Variants in ARFGAP3 observed in about 807,000 individuals in gnomAD.
The protein encoded by ARFGAP3 is ARF GTPase activating protein 3.
In ARFGAP3, 72 loss-of-function variants were observed where a neutral mutation model predicts 75.0. That is an observed-to-expected ratio of 0.96 (90% CI 0.79 to 1.17). ARFGAP3 has a LOEUF of 1.17. Ranked by LOEUF, ARFGAP3 falls within the 50% of genes most tolerant of loss-of-function variation. The probability of loss-of-function intolerance (pLI) is 0.00; values close to 1 mark genes in which losing one functional copy is unlikely to be tolerated. For synonymous variants in ARFGAP3, 221 were observed against 217.9 expected (o/e 1.01, Z -0.13); for missense variants, 620 against 626.6 (o/e 0.99, Z 0.11).
At chr22:42,855,845 C>A (rs9611939) in intron 1 of ARFGAP3, among the ~76,000 whole-genome samples, 1 of 150,274 alleles carries the variant, frequency 6.7e-6, no homozygotes, top group South Asian at 2.1e-4. Context: ...CATAGCAAGA[C>A]CCTGTCTCTA....
At chr22:42,805,789 G>A (rs768226133) in intron 14 of ARFGAP3, among the ~76,000 whole-genome samples, 1 of 152,210 alleles carries the variant, frequency 6.6e-6, no homozygotes, top group Non-Finnish European at 1.5e-5. Context: ...ACTGGCAGCG[G>A]ATGTGCCGGG....
At chr22:42,839,408 G>A (rs1461331429) in intron 3 of ARFGAP3, among the ~76,000 whole-genome samples, 2 of 151,598 alleles carry the variant, frequency 1.3e-5, no homozygotes, top group Non-Finnish European at 2.9e-5. Flanking sequence ...AGACCAGCTC[G>A]GCCAACATGG....
chr22:42,849,478 T>A (rs55952913), intron 1 of ARFGAP3, among the ~76,000 whole-genome samples: 1 of 99,052 alleles, frequency 1.0e-5, no homozygotes, highest in African/African-American at 3.6e-5. Flanking sequence ...ATGGCTTTTT[T>A]TCTTTTTTTT....
At chr22:42,809,733 G>C (rs962556404) in intron 12 of ARFGAP3, among the ~76,000 whole-genome samples, 8 of 152,286 alleles carry the variant, frequency 5.3e-5, no homozygotes, top group Admixed American at 5.2e-4. Flanking sequence ...GCCGGGTGCG[G>C]TGGCTCACGC....
intron 1 of ARFGAP3, among the ~76,000 whole-genome samples, chr22:42,853,243 T>C (rs1311800061): frequency 1.3e-5 from 2 of 152,186 alleles, no homozygotes; most frequent in Admixed American, 1.3e-4. Context: ...AAAATTACCA[T>C]ATGCCAGCAC....
intron 6 of ARFGAP3, 118 bp from the exon 7 acceptor site, chr22:42,827,117 CT>C: frequency 7.0e-7 from 1 of 1,419,860 alleles, no homozygotes. Context: ...CAATGATCAC[CT>C]ACCTTTTTAG....
chr22:42,822,740 T>A (rs1261700097), intron 8 of ARFGAP3, among the ~76,000 whole-genome samples: 2 of 152,206 alleles, frequency 1.3e-5, no homozygotes, highest in East Asian at 3.8e-4. Flanking sequence ...ATAATGTAAA[T>A]GCTATGAAAA....
At chr22:42,825,059 C>A (rs552029268) in intron 7 of ARFGAP3, among the ~76,000 whole-genome samples, 4 of 152,084 alleles carry the variant, frequency 2.6e-5, no homozygotes, top group Non-Finnish European at 5.9e-5. Context: ...ATATAAAGTT[C>A]GCAGCCTGGA....
rs1264097745 is a variant in ARFGAP3, at chr22:42,835,682, G to A, written c.262-189C>T. 7 of 223,536 alleles carry A rather than the reference G, an allele frequency of 3.1e-5. No homozygotes were observed. The East Asian group carries it at 5.5e-4, about 18-fold the overall frequency. 13.8% of individuals were successfully genotyped at this position (223,536 alleles called of 1,614,324 possible). ...TAAAAATACAAAAAATTAGCCAGGCGTGGTGGCGGGCGCCTGTAATCCCAG... is the reference window on the plus strand; with the variant it reads ...TAAAAATACAAAAAATTAGCCAGGCATGGTGGCGGGCGCCTGTAATCCCAG... On this transcript the variant is annotated intron_variant, in intron 3 of 15. Transcript: ENST00000263245.
chr22:42,838,881 C>T (rs776429026), intron 3 of ARFGAP3, among the ~76,000 whole-genome samples: 20 of 151,940 alleles, frequency 1.3e-4, no homozygotes, highest in South Asian at 2.1e-4. Flanking sequence ...GAGGCTGAGG[C>T]GGGCGGATCA....
intron 2 of ARFGAP3, among the ~76,000 whole-genome samples, chr22:42,843,741 T>C (rs563230768): frequency 4.1e-4 from 63 of 152,288 alleles, no homozygotes; most frequent in African/African-American, 1.4e-3. Context: ...GGGATCCCAT[T>C]CACCTTTAAT....
At chr22:42,842,668 C>T (rs1482115709) in intron 2 of ARFGAP3, among the ~76,000 whole-genome samples, 2 of 150,956 alleles carry the variant, frequency 1.3e-5, no homozygotes, top group East Asian at 2.0e-4. Flanking sequence ...AGGCTAGTCT[C>T]GAACTCCTGG....
At chr22:42,806,094 G>T (rs1925108785) in intron 14 of ARFGAP3, among the ~76,000 whole-genome samples, 1 of 152,220 alleles carries the variant, frequency 6.6e-6, no homozygotes, top group Non-Finnish European at 1.5e-5. Flanking sequence ...GCCTAGGTTG[G>T]TCACTTAGAG....
At chr22:42,847,733 AC>A in intron 1 of ARFGAP3, 101 bp from the exon 2 acceptor site, 3 of 1,376,116 alleles carry the variant, frequency 2.2e-6, no homozygotes, top group Middle Eastern at 3.8e-4. Context: ...TTTAACCTTT[AC>A]AATGTAAACT....
chr22:42,806,130 G>A (rs1346623936), intron 14 of ARFGAP3, among the ~76,000 whole-genome samples: 2 of 152,206 alleles, frequency 1.3e-5, no homozygotes, highest in African/African-American at 4.8e-5. Context: ...CTAGGCCTAG[G>A]GATGCTGAGG....
Position 42,834,308 on chromosome 22 carries a change from A to G in ARFGAP3, c.411T>C (p.Cys137=), listed in dbSNP as rs1489544536. 6.2e-7 allele frequency: 1 copy of G among 1,613,780 alleles called. No homozygotes were observed. Among genetic ancestry groups the G allele is most frequent in the Middle Eastern group, 1.6e-4 (1 of 6,062 alleles). The change falls in exon 5 of 16, where the codon TGT becomes TGC. Residue 137 remains cysteine (C), a synonymous_variant. Transcript: ENST00000263245. The part of the protein sequence containing the change: ...KHGTDLWLDS[C]VVPPLSPPPK... ...GTGGAGGGGACAAAGGTGGAACCAC[A>G]CAACTATCAAGCCACAGCTAGAACA...
chr22:42,843,169 G>A (rs1208569964), intron 2 of ARFGAP3, among the ~76,000 whole-genome samples: 2 of 151,568 alleles, frequency 1.3e-5, no homozygotes. Flanking sequence ...TGCCCAGGCT[G>A]AGTCAGCCTC....
chr22:42,823,108 C>T (rs1301598952), intron 8 of ARFGAP3, among the ~76,000 whole-genome samples: 1 of 151,996 alleles, frequency 6.6e-6, no homozygotes, highest in Non-Finnish European at 1.5e-5. Context: ...CTACGCCTGG[C>T]CTATTGTTTT....
intron 1 of ARFGAP3, among the ~76,000 whole-genome samples, chr22:42,851,228 A>G (rs1927264354): frequency 1.3e-5 from 2 of 152,224 alleles, no homozygotes; most frequent in Admixed American, 1.3e-4. Context: ...ATTAGTTACA[A>G]GATTGTTTCC....
Sources: gnomAD v4.1 joint callset for allele counts (sites outside exome capture counted in the v4.1 genomes callset) on GRCh38, gnomAD v4.1.1 for gene constraint, MANE v1.5 for transcripts, NCBI Gene and HGNC (gene_info 2026-07-23, HGNC 2026-07-21) for gene names.